Variants in ATP8B1 observed in about 807,000 individuals in gnomAD.
ATP8B1 encodes phospholipid-transporting ATPase IC.
ATP8B1 carries 80 observed loss-of-function variants against 149.9 expected under a neutral mutation model. The ratio of observed to expected loss-of-function variants is 0.53; its 90% CI spans 0.45 to 0.64. ATP8B1 has a LOEUF of 0.64. ATP8B1 is among the 30% of genes least tolerant of loss of function. The pLI is 0.00. For synonymous variants in ATP8B1, 536 were observed against 562.8 expected (o/e 0.95, Z 0.67); for missense variants, 1,247 against 1,552.6 (o/e 0.80, Z 3.31).
chr18:57,733,121 T>C (rs1253678327), intron 1 of ATP8B1, among the ~76,000 whole-genome samples: 2 of 152,172 alleles, frequency 1.3e-5, no homozygotes, highest in East Asian at 1.9e-4. Context: ...AGAACAACCT[T>C]AGTTAGATTT....
chr18:57,664,446 C>A (rs1910727430), intron 20 of ATP8B1, among the ~76,000 whole-genome samples: 1 of 133,270 alleles, frequency 7.5e-6, no homozygotes, highest in Non-Finnish European at 1.5e-5. Context: ...GCGGAGGTTG[C>A]AATGAGCCAA....
chr18:57,781,600 T>C (rs116872525), intron 1 of ATP8B1, among the ~76,000 whole-genome samples: 1 of 152,224 alleles, frequency 6.6e-6, no homozygotes, highest in African/African-American at 2.4e-5. Flanking sequence ...GAATGCCTAC[T>C]AGGTTGTGGA....
rs757768654 is a variant in ATP8B1, at chr18:57,695,545, G to A, written c.699-13C>T. On this transcript the variant is annotated splice_polypyrimidine_tract_variant and intron_variant, in intron 8 of 27. Coordinates refer to ENST00000648908, the MANE Select transcript of ATP8B1 (RefSeq NM_001374385.1). ...TAAATTGGTTTCTCTAAAGGAATGG[G>A]GAAAAAATGAATTAAATGAACAAAT... The A allele has an allele frequency of 6.3e-7, 1 of 1,593,782 alleles. No homozygotes were observed. The highest frequency in any genetic ancestry group is 8.6e-7 in the Non-Finnish European group (1 of 1,162,180).
intron 1 of ATP8B1, among the ~76,000 whole-genome samples, chr18:57,759,584 C>T (rs531265957): frequency 1.3e-5 from 2 of 151,592 alleles, no homozygotes; most frequent in Admixed American, 6.6e-5. Context: ...CTGAGGCGGG[C>T]GGATCACGAG....
rs905815864 is a variant in ATP8B1 at position 57,802,478 on chromosome 18, C to T, written c.-26+520G>A. On this transcript the variant is annotated intron_variant, in intron 1 of 27. Transcript: ENST00000648908. The surrounding 1 kb of genome is among the most constrained non-coding windows in gnomAD (Gnocchi z 4.9). ...GAGCTGGGGAGGAGAGCGATCTCAC[C>T]CCCTCCATCCCTCCCGGCAGGTGGG... Among the ~76,000 whole-genome samples the T allele has an allele frequency of 2.6e-5, 4 of 152,194 alleles. No individual in the cohort carries two copies. Among genetic ancestry groups the T allele is most frequent in the Non-Finnish European group, 5.9e-5 (4 of 68,034 alleles).
At chr18:57,651,036 G>A (rs1267045003) in intron 26 of ATP8B1, among the ~76,000 whole-genome samples, 3 of 152,104 alleles carry the variant, frequency 2.0e-5, no homozygotes, top group Non-Finnish European at 4.4e-5. Flanking sequence ...ATTTACATAA[G>A]TGAGCAAATA....
intron 1 of ATP8B1, among the ~76,000 whole-genome samples, chr18:57,768,973 A>G (rs1374539793): frequency 6.6e-6 from 1 of 152,178 alleles, no homozygotes; most frequent in Non-Finnish European, 1.5e-5. Context: ...AGATAAACAG[A>G]GCCCGCCTTC....
At chr18:57,653,589 A>G (rs1909780579) in intron 24 of ATP8B1, among the ~76,000 whole-genome samples, 1 of 151,746 alleles carries the variant, frequency 6.6e-6, no homozygotes, top group Non-Finnish European at 1.5e-5. Context: ...CCCTGCCTTC[A>G]GGTATCTTCA....
intron 2 of ATP8B1, chr18:57,731,393 C>A (rs2079764162): frequency 3.4e-5 from 15 of 442,410 alleles, no homozygotes; most frequent in South Asian, 1.1e-4. Context: ...TAACAAAGAC[C>A]TTAATGTATT....
chr18:57,753,134 C>A (rs1175996278), intron 1 of ATP8B1, among the ~76,000 whole-genome samples: 1 of 152,176 alleles, frequency 6.6e-6, no homozygotes, highest in Non-Finnish European at 1.5e-5. Flanking sequence ...AAAAAAAGAT[C>A]TCTCTTGTGT....
intron 1 of ATP8B1, among the ~76,000 whole-genome samples, chr18:57,778,510 A>G (rs932088408): frequency 2.0e-5 from 3 of 152,016 alleles, no homozygotes; most frequent in Non-Finnish European, 2.9e-5. Flanking sequence ...GATTACAGGC[A>G]TGAGCCACCG....
At chr18:57,734,967 C>T (rs991028008) in intron 1 of ATP8B1, among the ~76,000 whole-genome samples, 4 of 152,100 alleles carry the variant, frequency 2.6e-5, no homozygotes, top group African/African-American at 9.7e-5. Context: ...GCTAATTAGG[C>T]AAAAACAGGA....
chr18:57,758,492 T>C (rs985857751), intron 1 of ATP8B1, among the ~76,000 whole-genome samples: 12 of 135,812 alleles, frequency 8.8e-5, no homozygotes, highest in East Asian at 2.1e-4. Context: ...AAAAAAAAAA[T>C]ACAAAATTAG....
intron 1 of ATP8B1, among the ~76,000 whole-genome samples, chr18:57,778,401 ATT>A (rs148317260): frequency 2.8e-5 from 4 of 143,758 alleles, no homozygotes; most frequent in Non-Finnish European, 4.6e-5. Flanking sequence ...AATTTTTTGT[ATT>A]TTTTTTTTAA....
At chr18:57,653,714 T>A (rs1180434181) in intron 24 of ATP8B1, among the ~76,000 whole-genome samples, 8 of 134,964 alleles carry the variant, frequency 5.9e-5, no homozygotes, top group African/African-American at 2.3e-4. Context: ...GTCTTAGAGA[T>A]GGGGTCTCAC....
intron 1 of ATP8B1, among the ~76,000 whole-genome samples, chr18:57,789,069 G>A (rs1019617127): frequency 3.3e-5 from 5 of 152,150 alleles, no homozygotes; most frequent in African/African-American, 1.2e-4. Context: ...TTCATTTCTG[G>A]GTGGGTTACC....
At chr18:57,732,861 G>A (rs1323577097) in intron 1 of ATP8B1, among the ~76,000 whole-genome samples, 2 of 151,568 alleles carry the variant, frequency 1.3e-5, no homozygotes, top group Non-Finnish European at 2.9e-5. Flanking sequence ...GGCCGGAGTT[G>A]AATTTCTTAC....
chr18:57,655,531 C>T (rs1909941563), intron 22 of ATP8B1, 114 bp from the exon 23 acceptor site: 2 of 931,266 alleles, frequency 2.1e-6, no homozygotes, highest in African/African-American at 3.3e-5. Context: ...ATTGATGGAA[C>T]AATAATACAG....
chr18:57,694,131 C>T (rs73439188), intron 11 of ATP8B1, among the ~76,000 whole-genome samples: 9,424 of 152,046 alleles, frequency 0.062, 463 homozygotes, highest in East Asian at 0.17. Flanking sequence ...TGAGTGTCCT[C>T]GACATACTTT....
Sources: gnomAD v4.1 joint callset for allele counts (sites outside exome capture counted in the v4.1 genomes callset) on GRCh38, gnomAD v4.1.1 for gene constraint, Gnocchi (gnomAD v3.1) non-coding constraint, MANE v1.5 for transcripts, NCBI Gene and HGNC (gene_info 2026-07-23, HGNC 2026-07-21) for gene names.